Variants in TNIK observed in about 807,000 individuals in gnomAD.
TNIK encodes TRAF2 and NCK interacting kinase.
A neutral mutation model predicts 191.3 loss-of-function variants in TNIK; 49 were observed. The observed-to-expected ratio is 0.26, with a 90% confidence interval of 0.20 to 0.32. The LOEUF is 0.32. TNIK is among the 10% of genes least tolerant of loss of function. The pLI, the probability that TNIK is intolerant of heterozygous loss-of-function variation, is 1.00. For synonymous variants in TNIK, 594 were observed against 600.9 expected (o/e 0.99, Z 0.17); for missense variants, 1,155 against 1,702.3 (o/e 0.68, Z 5.66).
chr3:171,123,751 A>C, intron 17 of TNIK, 49 bp from the exon 18 acceptor site: 1 of 1,429,060 alleles, frequency 7.0e-7, no homozygotes, highest in Non-Finnish European at 9.5e-7. Flanking sequence ...TAGCTTCCAT[A>C]GCCTGTTGTC....
At chr3:171,425,472 AT>A (rs1724428795) in intron 1 of TNIK, among the ~76,000 whole-genome samples, 3 of 151,994 alleles carry the variant, frequency 2.0e-5, no homozygotes, top group Admixed American at 2.0e-4. Context: ...CCCCACAATA[AT>A]TTTTTCCTCC....
intron 5 of TNIK, among the ~76,000 whole-genome samples, chr3:171,192,049 A>G (rs1163931310): frequency 6.6e-6 from 1 of 152,240 alleles, no homozygotes; most frequent in Non-Finnish European, 1.5e-5. Context: ...AAACCTAGAT[A>G]TCTGAATTCT....
intron 7 of TNIK, among the ~76,000 whole-genome samples, chr3:171,181,662 A>G (rs987435727): frequency 6.6e-6 from 1 of 152,216 alleles, no homozygotes; most frequent in African/African-American, 2.4e-5. Context: ...TAGTGCCTTG[A>G]ATAAAAATAT....
chr3:171,279,210 A>G (rs894082500), intron 2 of TNIK, among the ~76,000 whole-genome samples: 1 of 152,182 alleles, frequency 6.6e-6, no homozygotes, highest in African/African-American at 2.4e-5. Flanking sequence ...AAAATAAACT[A>G]AAACAAAAGT....
rs140083535 is a variant in TNIK, at chr3:171,351,269, A to ATGTGTGTGTGTGTGTGTGTGTGTG, written c.123+18350_123+18351insCACACACACACACACACACACACA. On this transcript the variant is annotated intron_variant, in intron 2 of 32. Transcript: ENST00000436636. Reference sequence around the variant, plus strand: ...AGAGAAAATATATATATATATGTATATATGTGTGTGTGTGTGTGTATGAAT... The same window carrying ATGTGTGTGTGTGTGTGTGTGTGTG: ...AGAGAAAATATATATATATATGTATATGTGTGTGTGTGTGTGTGTGTGTGTATGTGTGTGTGTGTGTGTATGAAT... Among the ~76,000 whole-genome samples the ATGTGTGTGTGTGTGTGTGTGTGTG allele has an allele frequency of 6.6e-3, 970 of 147,026 alleles. 7 individuals are homozygous for ATGTGTGTGTGTGTGTGTGTGTGTG. Among genetic ancestry groups the ATGTGTGTGTGTGTGTGTGTGTGTG allele is most frequent in the South Asian group, 0.025 (116 of 4,670 alleles).
chr3:171,104,837 T>G (rs1276697131), intron 21 of TNIK, among the ~76,000 whole-genome samples: 1 of 152,192 alleles, frequency 6.6e-6, no homozygotes, highest in Non-Finnish European at 1.5e-5. Context: ...ATTGTTCACC[T>G]TCCATCCAAT....
In TNIK at chr3:171,416,101, AG is replaced by A. The variant is rs539014542; in HGVS notation, c.57+43905del. Among the ~76,000 whole-genome samples the A allele has an allele frequency of 2.7e-3, 406 of 152,180 alleles. 3 individuals carry two copies. The highest frequency in any genetic ancestry group is 9.6e-3 in the African/African-American group (397 of 41,540). ...CAGGCAAGAGGTCTCTCGTTGCCTA[AG>A]GCAATTTCATCGCATGCCTCAGAGT... On this transcript the variant is annotated intron_variant, in intron 1 of 32. Coordinates refer to ENST00000436636, the MANE Select transcript of TNIK (RefSeq NM_015028.4).
At chr3:171,404,830 G>C (rs986157656) in intron 1 of TNIK, among the ~76,000 whole-genome samples, 1 of 152,118 alleles carries the variant, frequency 6.6e-6, no homozygotes, top group Non-Finnish European at 1.5e-5. Flanking sequence ...TGTCAGTCTG[G>C]CGGTTTCTCC....
chr3:171,337,992 C>T (rs754273574), intron 2 of TNIK, among the ~76,000 whole-genome samples: 2 of 152,154 alleles, frequency 1.3e-5, no homozygotes, highest in African/African-American at 4.8e-5. Flanking sequence ...GTTCTAACCA[C>T]GATTGAAGAA....
intron 2 of TNIK, among the ~76,000 whole-genome samples, chr3:171,355,918 C>G (rs1312962552): frequency 6.6e-6 from 1 of 152,134 alleles, no homozygotes; most frequent in Non-Finnish European, 1.5e-5. Context: ...ACCTAGGCAT[C>G]CCTGTAAAGG....
chr3:171,282,739 G>T (rs569860591), intron 2 of TNIK, among the ~76,000 whole-genome samples: 1 of 152,298 alleles, frequency 6.6e-6, no homozygotes, highest in African/African-American at 2.4e-5. Context: ...CATTTCTGAA[G>T]CTCATGGACA....
intron 12 of TNIK, among the ~76,000 whole-genome samples, chr3:171,153,930 T>G (rs976332521): frequency 6.6e-6 from 1 of 152,066 alleles, no homozygotes; most frequent in Non-Finnish European, 1.5e-5. Context: ...ATTATTTGCT[T>G]AGTGCCTGTT....
chr3:171,090,441 T>TG (rs1721917932), intron 23 of TNIK, among the ~76,000 whole-genome samples: 1 of 144,508 alleles, frequency 6.9e-6, no homozygotes, highest in Non-Finnish European at 1.5e-5. Flanking sequence ...TTTTTTTTTT[T>TG]GCTTACTCTG....
chr3:171,239,772 T>C (rs965837751), intron 2 of TNIK, among the ~76,000 whole-genome samples: 1 of 152,228 alleles, frequency 6.6e-6, no homozygotes, highest in Admixed American at 6.5e-5. Context: ...TTCAAAGTGA[T>C]GGCCATCACA....
chr3:171,173,779 G>A (rs1009785044), intron 9 of TNIK, among the ~76,000 whole-genome samples: 1 of 152,108 alleles, frequency 6.6e-6, no homozygotes, highest in African/African-American at 2.4e-5. Context: ...AGGGAACAGG[G>A]TAAGTAAAGC....
At chr3:171,088,302 T>C (rs1239805351) in intron 23 of TNIK, among the ~76,000 whole-genome samples, 1 of 151,838 alleles carries the variant, frequency 6.6e-6, no homozygotes, top group Admixed American at 6.6e-5. Flanking sequence ...TGGCGCGATC[T>C]TGGCTCACTG....
chr3:171,317,381 A>G (rs62281610), intron 2 of TNIK, among the ~76,000 whole-genome samples: 19,518 of 152,146 alleles, frequency 0.13, 1,379 homozygotes, highest in Non-Finnish European at 0.16. Context: ...GATGTGGGAG[A>G]GACACTCCAG....
rs1717767055 is a variant in TNIK at position 171,061,007 on chromosome 3, T to C, written c.*2874A>G. On this transcript the variant is annotated 3_prime_UTR_variant, in exon 33 of 33. Transcript: ENST00000436636. ...AGAGACAAAATCACCTATAAAAAGATCAGAACTGAAGATTTTTTTTGTTGA... is the reference window on the plus strand; with the variant it reads ...AGAGACAAAATCACCTATAAAAAGACCAGAACTGAAGATTTTTTTTGTTGA... Among the ~76,000 whole-genome samples, 1 of 152,016 alleles carries C rather than the reference T, an allele frequency of 6.6e-6. No homozygotes were observed. The highest frequency in any genetic ancestry group is 1.5e-5 in the Non-Finnish European group (1 of 68,000).
Position 171,460,157 on chromosome 3 carries a change from G to C in TNIK, c.-94C>G. ...GTCTATTTCACTCGCGTCCTCATGC[G>C]GGTGTCGCGCCAGAGGCCCCGGGCC... On this transcript the variant is annotated 5_prime_UTR_variant, in exon 1 of 33. Coordinates refer to ENST00000436636, the MANE Select transcript of TNIK (RefSeq NM_015028.4). The surrounding 1 kb of genome is among the most constrained non-coding windows in gnomAD (Gnocchi z 6.8). The C allele has an allele frequency of 6.7e-7, 1 of 1,492,980 alleles. No individual in the cohort carries two copies. Among genetic ancestry groups the C allele is most frequent in the Non-Finnish European group, 9.1e-7 (1 of 1,101,526 alleles). 92.5% of individuals were successfully genotyped at this position (1,492,980 alleles called of 1,614,324 possible). A position where few individuals can be genotyped will look rare whatever the true frequency, so the allele number is the denominator to read the frequency against.
Sources: gnomAD v4.1 joint callset for allele counts (sites outside exome capture counted in the v4.1 genomes callset) on GRCh38, gnomAD v4.1.1 for gene constraint, Gnocchi (gnomAD v3.1) non-coding constraint, MANE v1.5 for transcripts, NCBI Gene and HGNC (gene_info 2026-07-23, HGNC 2026-07-21) for gene names.